Variants in CABIN1 observed in about 807,000 individuals in gnomAD.
CABIN1 encodes calcineurin binding protein 1, also known as calcineurin-binding protein cabin-1.
Under a neutral mutation model 227.7 loss-of-function variants are expected in CABIN1, and 133 were observed. The ratio of observed to expected loss-of-function variants is 0.58; its 90% CI spans 0.51 to 0.67. The LOEUF (loss-of-function observed/expected upper bound fraction) is 0.67. CABIN1 is among the 30% of genes least tolerant of loss of function. CABIN1 has a pLI of 0.00. For synonymous variants in CABIN1, 1,086 were observed against 1,155.1 expected, an observed-to-expected ratio of 0.94 and a Z score of 1.21; for missense variants, 2,408 against 2,852.5, an observed-to-expected ratio of 0.84 and a Z score of 3.55.
At chr22:24,044,501 G>GCC (rs1346417513) in intron 6 of CABIN1, among the ~76,000 whole-genome samples, 1 of 152,134 alleles carries the variant, frequency 6.6e-6, no homozygotes, top group South Asian at 2.1e-4. Flanking sequence ...CTCAATTTTT[G>GCC]CAATATGGAT....
Position 24,168,557 on chromosome 22 carries a change from C to T in CABIN1, c.5757+36C>T, listed in dbSNP as rs370804779. The T allele has an allele frequency of 1.2e-5, 18 of 1,482,060 alleles. No homozygotes were observed. The African/African-American group carries it at 1.7e-4, about 14-fold the overall frequency. 91.8% of individuals were successfully genotyped at this position (1,482,060 alleles called of 1,614,324 possible). A position where few individuals can be genotyped will look rare whatever the true frequency, so the allele number is the denominator to read the frequency against. On this transcript the variant is annotated intron_variant, in intron 33 of 36. Transcript: ENST00000263119. The stretch of plus-strand genomic sequence containing the variant: ...TTTAGCCTGTGCCAGCCTCATCTTG[C>T]GGAGCCTGCTCCATATCAAGGCCCT...
In CABIN1 at chr22:24,119,453, T is replaced by C; in HGVS notation, c.4387T>C (p.Ser1463Pro). Residue 1463 changes from serine to proline, a missense_variant, in exon 28 of 37, where the codon TCT becomes CCT. Physicochemically the swap from Ser to Pro is moderately conservative, Grantham distance 74 (BLOSUM62 -1). Transcript: ENST00000263119. The part of the protein sequence containing the change: ...VQKPAAETPA[S>P]ACIPGKPSAS... ...GAAGCCTGCTGCAGAAACCCCAGCCTCTGCTTGCATCCCTGGCAAGCCCTC... is the reference window on the plus strand; with the variant it reads ...GAAGCCTGCTGCAGAAACCCCAGCCCCTGCTTGCATCCCTGGCAAGCCCTC... 1 of 1,614,122 alleles carries C rather than the reference T, an allele frequency of 6.2e-7. No individual in the cohort carries two copies. Among genetic ancestry groups the C allele is most frequent in the Non-Finnish European group, 8.5e-7 (1 of 1,180,016 alleles).
chr22:24,178,369 G>A lies in CABIN1; in HGVS notation c.*173G>A. Reference sequence around the variant, plus strand: ...ATCCTCCCTGTACCCAGGTCAGGCTGTCCACACCACATGGGAGCCCAGAGG... The same window carrying A: ...ATCCTCCCTGTACCCAGGTCAGGCTATCCACACCACATGGGAGCCCAGAGG... On this transcript the variant is annotated 3_prime_UTR_variant, in exon 37 of 37. Coordinates refer to ENST00000263119, the MANE Select transcript of CABIN1 (RefSeq NM_012295.4). The A allele has an allele frequency of 1.3e-6, 1 of 770,232 alleles. No homozygotes were observed. 47.7% of individuals were successfully genotyped at this position (770,232 alleles called of 1,614,324 possible). A position where few individuals can be genotyped will look rare whatever the true frequency, so the allele number is the denominator to read the frequency against.
At chr22:24,164,112 T>A (rs1227598484) in intron 29 of CABIN1, among the ~76,000 whole-genome samples, 1 of 152,212 alleles carries the variant, frequency 6.6e-6, no homozygotes, top group Admixed American at 6.5e-5. Flanking sequence ...AGGCCCCACC[T>A]GAGTGCATCC....
intron 28 of CABIN1, among the ~76,000 whole-genome samples, chr22:24,127,319 C>T (rs895438281): frequency 6.6e-6 from 1 of 152,176 alleles, no homozygotes; most frequent in African/African-American, 2.4e-5. Context: ...CTCATCAACT[C>T]CACAGGGAGG....
intron 8 of CABIN1, among the ~76,000 whole-genome samples, chr22:24,052,967 A>G (rs1373669261): frequency 6.6e-6 from 1 of 151,866 alleles, no homozygotes; most frequent in East Asian, 1.9e-4. Context: ...TAAATGTAAC[A>G]CTAACTGAAG....
chr22:24,114,379 C>T (rs2042972158), intron 27 of CABIN1, among the ~76,000 whole-genome samples: 1 of 152,102 alleles, frequency 6.6e-6, no homozygotes, highest in Admixed American at 6.5e-5. Context: ...GATTTGAGAG[C>T]TTTCCCACTC....
At chr22:24,144,498 A>G (rs1487985380) in intron 29 of CABIN1, among the ~76,000 whole-genome samples, 1 of 152,258 alleles carries the variant, frequency 6.6e-6, no homozygotes, top group Non-Finnish European at 1.5e-5. Flanking sequence ...GGAGATGATC[A>G]GGTAAACAGA....
intron 28 of CABIN1, 70 bp from the exon 29 acceptor site, chr22:24,134,232 C>G (rs562699349): frequency 6.2e-6 from 7 of 1,122,144 alleles, no homozygotes; most frequent in Non-Finnish European, 9.3e-6. Flanking sequence ...AGGAGGGGAC[C>G]GCCTGCCTTC....
chr22:24,049,306 G>T, intron 7 of CABIN1, 86 bp downstream of exon 7: 1 of 1,524,838 alleles, frequency 6.6e-7, no homozygotes, highest in Non-Finnish European at 9.0e-7. Flanking sequence ...CTCCCCTCAG[G>T]TCCCATGGAT....
At chr22:24,084,907 G>A in intron 21 of CABIN1, 99 bp from the exon 22 acceptor site, 1 of 1,561,570 alleles carries the variant, frequency 6.4e-7, no homozygotes, top group African/African-American at 1.4e-5. Context: ...GGCAGGAGAG[G>A]CTGGAGAGTC....
intron 2 of CABIN1, 131 bp from the exon 3 acceptor site, chr22:24,035,958 T>A: frequency 1.5e-6 from 1 of 676,688 alleles, no homozygotes; most frequent in South Asian, 1.4e-5. Context: ...TCCCCACATC[T>A]GAGAAGGTCA....
rs114364080 is a variant in CABIN1, at chr22:24,133,989, G to A, written c.4633-313G>A. 8.8e-3 allele frequency among the ~76,000 whole-genome samples: 1,345 copies of A among 152,330 alleles called. 20 individuals are homozygous for A. Among genetic ancestry groups the A allele is most frequent in the African/African-American group, 0.031 (1,278 of 41,570 alleles). ...TTGTGGGGGCCCCCTGACAGAAGGC[G>A]GGTACTGGGTACATGTGGCAGGTTT... On this transcript the variant is annotated intron_variant, in intron 28 of 36. Coordinates refer to ENST00000263119, the MANE Select transcript of CABIN1 (RefSeq NM_012295.4).
intron 1 of CABIN1, among the ~76,000 whole-genome samples, chr22:24,027,875 T>C (rs977610871): frequency 6.6e-6 from 1 of 152,078 alleles, no homozygotes; most frequent in African/African-American, 2.4e-5. Flanking sequence ...TATTCTGTTA[T>C]AGCAGCACCA....
intron 34 of CABIN1, among the ~76,000 whole-genome samples, 170 bp downstream of exon 34, chr22:24,172,165 GC>G (rs1432318461): frequency 1.3e-5 from 2 of 152,248 alleles, no homozygotes; most frequent in Admixed American, 1.3e-4. Flanking sequence ...GTCACTGGCA[GC>G]CTCGGTGGCC....
At chr22:24,169,940 C>T (rs1326672203) in intron 33 of CABIN1, among the ~76,000 whole-genome samples, 1 of 152,230 alleles carries the variant, frequency 6.6e-6, no homozygotes, top group East Asian at 1.9e-4. Context: ...AGATTTCCGT[C>T]AGAGACCTCG....
Position 24,091,666 on chromosome 22 carries a change from G to A in CABIN1, c.3609G>A (p.Glu1203=). 1 of 1,614,196 alleles carries A rather than the reference G, an allele frequency of 6.2e-7. No homozygotes were observed. Among genetic ancestry groups the A allele is most frequent in the Non-Finnish European group, 8.5e-7 (1 of 1,180,006 alleles). Residue 1203 remains glutamate, a synonymous_variant, in exon 24 of 37, where the codon GAG becomes GAA. Coordinates refer to ENST00000263119, the MANE Select transcript of CABIN1 (RefSeq NM_012295.4). ...SAARCEGDGD[E]EEWLIHYMLG... Reference sequence around the variant, plus strand: ...CCCGCTGCGAGGGTGATGGTGACGAGGAGGAGTGGCTCATCCACTACATGC... The same window carrying A: ...CCCGCTGCGAGGGTGATGGTGACGAAGAGGAGTGGCTCATCCACTACATGC...
At chr22:24,172,032 C>T (rs2046842520) in intron 34 of CABIN1, 37 bp downstream of exon 34, 1 of 1,592,936 alleles carries the variant, frequency 6.3e-7, no homozygotes, top group Non-Finnish European at 8.5e-7. Context: ...GGCCCAGGCC[C>T]CTGCCACCAT....
At chr22:24,015,005 T>A (rs2035139702) in intron 1 of CABIN1, among the ~76,000 whole-genome samples, 1 of 152,156 alleles carries the variant, frequency 6.6e-6, no homozygotes, top group East Asian at 1.9e-4. Flanking sequence ...GGCTCATGCC[T>A]GTAATCCCAG....
Sources: allele counts gnomAD v4.1 joint callset (sites outside exome capture counted in the v4.1 genomes callset), GRCh38; gene constraint gnomAD v4.1.1; transcripts MANE v1.5; gene names NCBI Gene and HGNC (gene_info 2026-07-23, HGNC 2026-07-21).